Variants in SIDT1 observed in about 807,000 individuals in gnomAD.
The protein encoded by SIDT1 is SID1 transmembrane family member 1.
Under a neutral mutation model 107.5 loss-of-function variants are expected in SIDT1, and 101 were observed. That is an observed-to-expected ratio of 0.94 (90% CI 0.80 to 1.11). SIDT1 has a LOEUF of 1.11. SIDT1 is among the 50% of genes least tolerant of loss of function. The pLI, the probability that SIDT1 is intolerant of heterozygous loss-of-function variation, is 0.00. For missense variants in SIDT1, 1,076 were observed against 1,058.2 expected (o/e 1.02, Z -0.23); for synonymous variants, 395 against 398.2 (o/e 0.99, Z 0.10).
At chr3:113,587,272 A>G (rs1201323153) in intron 9 of SIDT1, among the ~76,000 whole-genome samples, 1 of 152,192 alleles carries the variant, frequency 6.6e-6, no homozygotes, top group African/African-American at 2.4e-5. Context: ...AAATGAGGTA[A>G]TAAGCTAACA....
chr3:113,542,946 G>T, intron 1 of SIDT1, among the ~76,000 whole-genome samples: 1 of 150,376 alleles, frequency 6.6e-6, no homozygotes, highest in Non-Finnish European at 1.5e-5. Context: ...GTGTTTGTTT[G>T]TTTGTTTGTT....
At chr3:113,549,417 T>C (rs1939962351) in intron 1 of SIDT1, among the ~76,000 whole-genome samples, 1 of 152,214 alleles carries the variant, frequency 6.6e-6, no homozygotes, top group African/African-American at 2.4e-5. Context: ...CTCATCAGCA[T>C]TTGGTGTTAC....
At chr3:113,579,188 G>C (rs1269644136) in intron 4 of SIDT1, among the ~76,000 whole-genome samples, 4 of 152,148 alleles carry the variant, frequency 2.6e-5, no homozygotes, top group African/African-American at 4.8e-5. Context: ...CCACTGCTTT[G>C]GGTATTTGTC....
chr3:113,616,666 A>T (rs1272026523), intron 20 of SIDT1, among the ~76,000 whole-genome samples: 3 of 151,782 alleles, frequency 2.0e-5, no homozygotes, highest in Non-Finnish European at 4.4e-5. Context: ...GCTTAAAATA[A>T]AATTTGGAAA....
intron 1 of SIDT1, among the ~76,000 whole-genome samples, chr3:113,555,194 T>C (rs1475709288): frequency 6.6e-6 from 1 of 152,190 alleles, no homozygotes; most frequent in Non-Finnish European, 1.5e-5. Flanking sequence ...GTTTGGAAAT[T>C]TATCTTGCTC....
chr3:113,553,128 C>A (rs1342801242), intron 1 of SIDT1, among the ~76,000 whole-genome samples: 1 of 152,160 alleles, frequency 6.6e-6, no homozygotes, highest in African/African-American at 2.4e-5. Flanking sequence ...TGGCATAGAT[C>A]ATCTCTGCCA....
the SIDT1 span, among the ~76,000 whole-genome samples, chr3:113,636,474 G>C: frequency 6.6e-6 from 1 of 151,960 alleles, no homozygotes; most frequent in African/African-American, 2.4e-5. Flanking sequence ...AAAAAAAGGT[G>C]GGGGGGATAT....
At chr3:113,570,989 AC>A (rs1379788176) in intron 3 of SIDT1, among the ~76,000 whole-genome samples, 1 of 152,208 alleles carries the variant, frequency 6.6e-6, no homozygotes, top group African/African-American at 2.4e-5. Context: ...CAAAATCAAG[AC>A]TAAATTGTAC....
In SIDT1 at chr3:113,533,248, GAC is replaced by G; in HGVS notation, c.222+8_222+9del. ...TACACCAGCCAGCCCGACCAGGTAA[GAC>G]ACTCGCTCCCCTCGCTCGACTCCTA... On this transcript the variant is annotated splice_donor_region_variant and intron_variant, in intron 1 of 24. Transcript: ENST00000264852. The G allele has an allele frequency of 1.4e-6, 2 of 1,459,314 alleles. No homozygotes were observed. The highest frequency in any genetic ancestry group is 1.8e-4 in the Middle Eastern group (1 of 5,480). The allele number at this position is 1,459,314 out of a possible 1,614,324, so 90.4% of individuals were successfully genotyped here.
intron 1 of SIDT1, among the ~76,000 whole-genome samples, chr3:113,538,534 T>A (rs1280251338): frequency 6.6e-6 from 1 of 152,264 alleles, no homozygotes; most frequent in Admixed American, 6.5e-5. Flanking sequence ...GTGTCGTTAG[T>A]ATTTGTATGT....
chr3:113,570,737 G>C (rs527440114), intron 3 of SIDT1, among the ~76,000 whole-genome samples: 16 of 152,338 alleles, frequency 1.1e-4, no homozygotes, highest in South Asian at 4.1e-4. Context: ...CTCAGGCATT[G>C]AGAGAAACAC....
intron 12 of SIDT1, 93 bp from the exon 13 acceptor site, chr3:113,603,862 TTTTAA>T: frequency 1.3e-6 from 1 of 787,842 alleles, no homozygotes; most frequent in East Asian, 2.8e-5. Flanking sequence ...ATTTTAACAA[TTTTAA>T]TTTAAATTGA....
chr3:113,533,181 G>A lies in SIDT1; in HGVS notation c.160G>A (p.Gly54Arg). ...CGCCGATTTCGATCATGTCTACAGC[G>A]GGGTGGTGAACCTCAGCACCGAGAA... ...RGADFDHVYS[G>R]VVNLSTENIY... Residue 54 changes from glycine (G) to arginine (R), a missense_variant, in exon 1 of 25, where the codon GGG becomes AGG. Physicochemically the swap from Gly to Arg is moderately radical, Grantham distance 125. Transcript: ENST00000264852. 2 of 1,578,080 alleles carry A rather than the reference G, an allele frequency of 1.3e-6. No homozygotes were observed. Among genetic ancestry groups the A allele is most frequent in the Non-Finnish European group, 1.7e-6 (2 of 1,163,256 alleles).
chr3:113,619,254 C>T (rs945533404), intron 20 of SIDT1, among the ~76,000 whole-genome samples: 4 of 152,182 alleles, frequency 2.6e-5, no homozygotes, highest in African/African-American at 9.7e-5. Context: ...TAACTCCCTA[C>T]AGCTGGGGCC....
intron 6 of SIDT1, among the ~76,000 whole-genome samples, chr3:113,582,642 C>G (rs1320938322): frequency 2.0e-5 from 3 of 152,108 alleles, no homozygotes; most frequent in Non-Finnish European, 4.4e-5. Context: ...ATTGTTACTT[C>G]TCTTTTGGGG....
chr3:113,610,842 T>C (rs141126883), intron 17 of SIDT1, among the ~76,000 whole-genome samples, 166 bp from the exon 18 acceptor site: 138 of 152,264 alleles, frequency 9.1e-4, no homozygotes, highest in East Asian at 8.7e-3. Flanking sequence ...TCCTAGAGAA[T>C]GTGCCAAGAG....
At chr3:113,538,949 C>T (rs927765266) in intron 1 of SIDT1, among the ~76,000 whole-genome samples, 4 of 152,144 alleles carry the variant, frequency 2.6e-5, no homozygotes, top group African/African-American at 9.7e-5. Flanking sequence ...CACCATTGAT[C>T]ATCATTGCCT....
At position 113,612,199 on chromosome 3, in the gene SIDT1, G is replaced by T; in HGVS notation, c.1966+5G>T. 6.3e-7 allele frequency: 1 copy of T among 1,581,310 alleles called. No homozygotes were observed. The highest frequency in any genetic ancestry group is 8.7e-7 in the Non-Finnish European group (1 of 1,150,144). On this transcript the variant is annotated splice_donor_5th_base_variant and intron_variant, in intron 19 of 24. Transcript: ENST00000264852. ...ATATGGGTCGTTTCAAGATAGGTGAGTCACCTGTTAATTCTATACTAATCA... is the reference window on the plus strand; with the variant it reads ...ATATGGGTCGTTTCAAGATAGGTGATTCACCTGTTAATTCTATACTAATCA...
chr3:113,543,605 C>T (rs559296312), intron 1 of SIDT1, among the ~76,000 whole-genome samples: 1 of 152,238 alleles, frequency 6.6e-6, no homozygotes, highest in East Asian at 1.9e-4. Flanking sequence ...AATGTTGGTT[C>T]TGTATCCCAG....
Sources: gnomAD v4.1 joint callset for allele counts (sites outside exome capture counted in the v4.1 genomes callset) on GRCh38, gnomAD v4.1.1 for gene constraint, MANE v1.5 for transcripts, NCBI Gene and HGNC (gene_info 2026-07-23, HGNC 2026-07-21) for gene names.